CPS1: variants seen among roughly 807,000 people sequenced by gnomAD.
The protein encoded by CPS1 is carbamoyl-phosphate synthase [ammonia], mitochondrial.
A neutral mutation model predicts 174.6 loss-of-function variants in CPS1; 109 were observed. The ratio of observed to expected loss-of-function variants is 0.62; its 90% CI spans 0.53 to 0.73. CPS1 has a LOEUF of 0.73. Among genes scored for constraint, CPS1 ranks in the 30% least tolerant of loss-of-function variants. The probability of loss-of-function intolerance (pLI) is 0.00; values close to 1 mark genes in which losing one functional copy is unlikely to be tolerated. For missense variants in CPS1, 1,689 were observed against 1,821.9 expected (o/e 0.93, Z 1.33); for synonymous variants, 637 against 632.0 (o/e 1.01, Z -0.12).
intron 3 of CPS1, among the ~76,000 whole-genome samples, 191 bp downstream of exon 3, chr2:210,576,681 A>G (rs146501819): frequency 9.3e-4 from 141 of 152,274 alleles, no homozygotes; most frequent in African/African-American, 3.2e-3. Context: ...TTCATTTCTC[A>G]GGGCACTTTG....
At chr2:210,509,886 C>G (rs530071681) in intron 1 of CPS1, among the ~76,000 whole-genome samples, 1 of 152,212 alleles carries the variant, frequency 6.6e-6, no homozygotes, top group African/African-American at 2.4e-5. Flanking sequence ...AGGATACAAA[C>G]AAATGGAAGA....
chr2:210,513,679 CT>C (rs1341803156), intron 1 of CPS1, among the ~76,000 whole-genome samples: 5 of 151,796 alleles, frequency 3.3e-5, no homozygotes, highest in Admixed American at 2.6e-4. Context: ...TGCTGTGCAG[CT>C]CTTTAGTTTA....
chr2:210,571,819 G>C (rs1450206810), intron 1 of CPS1, among the ~76,000 whole-genome samples: 1 of 150,986 alleles, frequency 6.6e-6, no homozygotes, highest in East Asian at 2.0e-4. Flanking sequence ...CAAAGGTCTA[G>C]AAATCATTTA....
intron 1 of CPS1, among the ~76,000 whole-genome samples, chr2:210,564,524 T>A (rs570092935): frequency 6.6e-6 from 1 of 152,056 alleles, no homozygotes; most frequent in East Asian, 2.0e-4. Flanking sequence ...TACAGGTGCC[T>A]GCCACCACGC....
intron 19 of CPS1, among the ~76,000 whole-genome samples, chr2:210,610,240 C>A (rs1157468761): frequency 6.6e-6 from 1 of 151,824 alleles, no homozygotes; most frequent in African/African-American, 2.4e-5. Context: ...GTTCAAGGAA[C>A]TTGAGAAAAT....
chr2:210,641,682 G>A lies in CPS1; in HGVS notation c.2960-802G>A, dbSNP rs562744898. ...TTTTACCTATTCATGCAGTAATTCT[G>A]CATTATATCAGGATCCAAAGAAGAC... is the stretch of plus-strand genomic sequence containing the variant. On this transcript the variant is annotated intron_variant, in intron 24 of 37. Transcript: ENST00000233072. 1.2e-4 allele frequency among the ~76,000 whole-genome samples: 18 copies of A among 152,240 alleles called. No homozygotes were observed. In the South Asian group the frequency reaches 3.7e-3, roughly 32 times the overall value.
At chr2:210,511,012 C>G (rs1695471356) in intron 1 of CPS1, among the ~76,000 whole-genome samples, 2 of 152,066 alleles carry the variant, frequency 1.3e-5, no homozygotes, top group African/African-American at 4.8e-5. Flanking sequence ...ATCGTTTGAC[C>G]CAGCCATCCC....
chr2:210,494,840 C>T (rs891626417), intron 1 of CPS1, among the ~76,000 whole-genome samples: 1 of 152,136 alleles, frequency 6.6e-6, no homozygotes, highest in African/African-American at 2.4e-5. Context: ...AGGGAGTCTG[C>T]CATGGTTGCT....
At chr2:210,655,597 G>A (rs1475705827) in intron 29 of CPS1, among the ~76,000 whole-genome samples, 5 of 152,112 alleles carry the variant, frequency 3.3e-5, no homozygotes, top group Non-Finnish European at 5.9e-5. Context: ...ATAAGCTCTT[G>A]TAAAAAATGA....
chr2:210,611,270 A>G (rs1438660814), intron 19 of CPS1, among the ~76,000 whole-genome samples: 2 of 151,976 alleles, frequency 1.3e-5, no homozygotes, highest in Non-Finnish European at 2.9e-5. Context: ...CTAAACTGAC[A>G]TTAGTGGTAA....
chr2:210,594,043 T>C (rs1050094735), intron 11 of CPS1, among the ~76,000 whole-genome samples: 2 of 151,918 alleles, frequency 1.3e-5, no homozygotes, highest in Non-Finnish European at 2.9e-5. Flanking sequence ...ATTTGTCATA[T>C]CTAGTGAAAC....
At chr2:210,576,547 A>G in intron 3 of CPS1, 57 bp downstream of exon 3, 1 of 1,599,382 alleles carries the variant, frequency 6.3e-7, no homozygotes, top group South Asian at 1.1e-5. Flanking sequence ...TAGTTGACTT[A>G]TTCTTAAGAA....
chr2:210,674,825 G>C, intron 34 of CPS1, 77 bp from the exon 35 acceptor site: 1 of 1,145,800 alleles, frequency 8.7e-7, no homozygotes, highest in Non-Finnish European at 1.3e-6. Context: ...CTTTTAAGAT[G>C]TTGTAAGGAA....
chr2:210,672,239 T>C (rs1455025573), intron 34 of CPS1: 3 of 152,200 alleles, frequency 2.0e-5, no homozygotes, highest in Non-Finnish European at 4.4e-5. Context: ...AAAGTTATGT[T>C]AGCACTTATT....
Position 210,501,444 on chromosome 2 carries a change from T to C in CPS1, c.3+23678T>C, listed in dbSNP as rs150581692. ...AAGTTGCAATCCCAAACCATATCTTTGTGAATACGTAAAACTGAATGCTTT... is the reference window on the plus strand; with the variant it reads ...AAGTTGCAATCCCAAACCATATCTTCGTGAATACGTAAAACTGAATGCTTT... On this transcript the variant is annotated intron_variant, in intron 1 of 38. Transcript: ENST00000430249. 3.6e-3 allele frequency among the ~76,000 whole-genome samples: 549 copies of C among 152,312 alleles called. 5 individuals carry two copies. The highest frequency in any genetic ancestry group is 0.012 in the African/African-American group (495 of 41,586).
At chr2:210,592,827 C>CT (rs1698352084) in intron 10 of CPS1, 52 bp from the exon 11 acceptor site, 1 of 1,513,940 alleles carries the variant, frequency 6.6e-7, no homozygotes, top group Admixed American at 1.7e-5. Flanking sequence ...CATAGCCACA[C>CT]TTGACATTCA....
intron 1 of CPS1, among the ~76,000 whole-genome samples, chr2:210,564,451 C>G (rs1697216585): frequency 6.6e-6 from 1 of 152,020 alleles, no homozygotes; most frequent in Admixed American, 6.5e-5. Flanking sequence ...TCTCGGCTCA[C>G]TGCAAGGTCC....
intron 1 of CPS1, chr2:210,477,770 A>C (rs563233926): frequency 2.5e-6 from 4 of 1,613,598 alleles, no homozygotes; most frequent in African/African-American, 1.3e-5. Flanking sequence ...GCCCATGGTG[A>C]GTCTTAAGCT....
chr2:210,623,331 A>G (rs1699593061), intron 21 of CPS1, among the ~76,000 whole-genome samples: 1 of 151,992 alleles, frequency 6.6e-6, no homozygotes, highest in East Asian at 1.9e-4. Context: ...TAAAATTTGT[A>G]TTTGTTTCCC....
Sources: allele counts gnomAD v4.1 joint callset (sites outside exome capture counted in the v4.1 genomes callset), GRCh38; gene constraint gnomAD v4.1.1; transcripts MANE v1.5; gene names NCBI Gene and HGNC (gene_info 2026-07-23, HGNC 2026-07-21).